The following ALCAM variants were observed in gnomAD, a reference collection of about 807,000 sequenced individuals.
ALCAM encodes activated leukocyte cell adhesion molecule.
In ALCAM, 30 loss-of-function variants were observed where a neutral mutation model predicts 70.9. The observed-to-expected ratio is 0.42, with a 90% CI of 0.32 to 0.57. The LOEUF (loss-of-function observed/expected upper bound fraction) is 0.57, where lower values mean the gene tolerates loss of function less well. ALCAM is among the 20% of genes least tolerant of loss of function. The pLI is 0.11. For missense variants in ALCAM, 591 were observed against 695.1 expected, an observed-to-expected ratio of 0.85 and a Z score of 1.68; for synonymous variants, 249 against 242.5, an observed-to-expected ratio of 1.03 and a Z score of -0.25.
At chr3:105,410,128 C>T (rs1054710034) in intron 1 of ALCAM, among the ~76,000 whole-genome samples, 2 of 151,898 alleles carry the variant, frequency 1.3e-5, no homozygotes, top group Non-Finnish European at 2.9e-5. Flanking sequence ...TGAATTTGGC[C>T]CTTGTATCTT....
chr3:105,525,481 T>C (rs1158834680), intron 3 of ALCAM: 78 of 453,286 alleles, frequency 1.7e-4, no homozygotes, highest in Non-Finnish European at 2.2e-4. Context: ...CTTTCAGTCT[T>C]TTTTAATTAG....
chr3:105,444,917 T>C (rs994998864), intron 1 of ALCAM, among the ~76,000 whole-genome samples: 1 of 152,116 alleles, frequency 6.6e-6, no homozygotes, highest in African/African-American at 2.4e-5. Flanking sequence ...TAGAAACAAA[T>C]TTGCCTGTAT....
In ALCAM at chr3:105,367,404, G is replaced by A. The variant is rs750691802; in HGVS notation, c.-5G>A. On this transcript the variant is annotated 5_prime_UTR_variant, in exon 1 of 16. Transcript: ENST00000306107. ...GTCAGTGGCCCACCAAGAAGGAGGA[G>A]GAATATGGAATCCAAGGGGGCCAGT... 25 of 1,613,884 alleles carry A rather than the reference G, an allele frequency of 1.5e-5. No individual in the cohort carries two copies. The highest frequency in any genetic ancestry group is 2.1e-5 in the Non-Finnish European group (25 of 1,179,836).
intron 1 of ALCAM, among the ~76,000 whole-genome samples, chr3:105,387,435 A>AC (rs1187985369): frequency 6.6e-6 from 1 of 151,614 alleles, no homozygotes; most frequent in African/African-American, 2.4e-5. Context: ...TAAAAAAAAA[A>AC]ACATTGATTC....
intron 1 of ALCAM, among the ~76,000 whole-genome samples, chr3:105,438,021 A>G (rs2152581122): frequency 1.3e-5 from 2 of 152,228 alleles, no homozygotes; most frequent in Admixed American, 1.3e-4. Flanking sequence ...ATGATGTAAA[A>G]TAAACTTGAA....
chr3:105,549,928 A>G (rs1278898372), intron 11 of ALCAM, among the ~76,000 whole-genome samples, 199 bp from the exon 12 acceptor site: 1 of 151,418 alleles, frequency 6.6e-6, no homozygotes, highest in Non-Finnish European at 1.5e-5. Context: ...AAGAAACATA[A>G]ACAGAAATTT....
chr3:105,572,899 T>A (rs953652442), intron 15 of ALCAM, among the ~76,000 whole-genome samples: 14 of 152,272 alleles, frequency 9.2e-5, no homozygotes, highest in African/African-American at 3.4e-4. Flanking sequence ...TATCATTTTA[T>A]ATTTTAATGC....
intron 14 of ALCAM, among the ~76,000 whole-genome samples, chr3:105,561,867 A>G (rs1265065416): frequency 6.6e-6 from 1 of 152,242 alleles, no homozygotes; most frequent in Admixed American, 6.5e-5. Flanking sequence ...CCTCAGGAAT[A>G]CATTATTCTA....
At chr3:105,526,846 G>T (rs1179649666) in intron 3 of ALCAM, among the ~76,000 whole-genome samples, 1 of 152,126 alleles carries the variant, frequency 6.6e-6, no homozygotes, top group Non-Finnish European at 1.5e-5. Context: ...CCATCAATCA[G>T]TCCTCTGTTT....
intron 1 of ALCAM, among the ~76,000 whole-genome samples, chr3:105,508,707 CAT>C (rs1939148356): frequency 6.6e-6 from 1 of 152,144 alleles, no homozygotes; most frequent in African/African-American, 2.4e-5. Flanking sequence ...ACTCTCCTCA[CAT>C]AGTTATCATT....
intron 6 of ALCAM, 78 bp downstream of exon 6, chr3:105,534,923 A>G (rs1939933064): frequency 1.5e-6 from 2 of 1,343,270 alleles, no homozygotes; most frequent in Admixed American, 4.9e-5. Flanking sequence ...TTGAGGTCCC[A>G]ATCCAATTAC....
intron 1 of ALCAM, among the ~76,000 whole-genome samples, chr3:105,443,890 G>A (rs1439312400): frequency 6.7e-6 from 1 of 149,762 alleles, no homozygotes; most frequent in African/African-American, 2.5e-5. Flanking sequence ...TTAGAGGACT[G>A]CTGTCACAAT....
rs951560791 is a variant in ALCAM, at chr3:105,567,432, C to CT, written c.1665-4409dup. On this transcript the variant is annotated intron_variant, in intron 14 of 15. Transcript: ENST00000306107. Reference sequence around the variant, plus strand: ...TCACAGGCCACTGAAGATCTGCTCACTTTTTTTTTTTCCACTGCCCTGGAC... The same window carrying CT: ...TCACAGGCCACTGAAGATCTGCTCACTTTTTTTTTTTTCCACTGCCCTGGAC... 3.0e-3 allele frequency among the ~76,000 whole-genome samples: 448 copies of CT among 147,762 alleles called. 2 individuals carry two copies. The highest frequency in any genetic ancestry group is 9.0e-3 in the African/African-American group (366 of 40,514).
chr3:105,480,469 T>C lies in ALCAM; in HGVS notation c.74-39598T>C, dbSNP rs78457764. 4.1e-3 allele frequency among the ~76,000 whole-genome samples: 630 copies of C among 152,230 alleles called. 2 individuals carry two copies. Among genetic ancestry groups the C allele is most frequent in the African/African-American group, 0.015 (611 of 41,564 alleles). On this transcript the variant is annotated intron_variant, in intron 1 of 15. Coordinates refer to ENST00000306107, the MANE Select transcript of ALCAM (RefSeq NM_001627.4). ...CAGGTGTGTATGTTTCTGAGTGTGG[T>C]GTGTTAATATTGTGAAGTCTGAAAT...
intron 1 of ALCAM, among the ~76,000 whole-genome samples, chr3:105,484,801 A>C (rs565699270): frequency 6.6e-6 from 1 of 152,114 alleles, no homozygotes; most frequent in Non-Finnish European, 1.5e-5. Context: ...AACAGCTGTC[A>C]TGGACATGTG....
At chr3:105,373,568 A>T (rs1276833848) in intron 1 of ALCAM, among the ~76,000 whole-genome samples, 1 of 152,210 alleles carries the variant, frequency 6.6e-6, no homozygotes, top group Non-Finnish European at 1.5e-5. Flanking sequence ...TTGGTGCAAA[A>T]TCAACATTGG....
At chr3:105,386,299 A>T (rs1935652951) in intron 1 of ALCAM, among the ~76,000 whole-genome samples, 1 of 151,626 alleles carries the variant, frequency 6.6e-6, no homozygotes, top group African/African-American at 2.4e-5. Flanking sequence ...CTTTTGTTAG[A>T]ACAGGTGCTT....
intron 1 of ALCAM, among the ~76,000 whole-genome samples, chr3:105,428,100 G>T (rs1936836942): frequency 6.6e-6 from 1 of 151,864 alleles, no homozygotes; most frequent in African/African-American, 2.4e-5. Context: ...GCAAAGGCTG[G>T]GAGTTGCTAT....
chr3:105,467,005 G>T (rs1213951194), intron 1 of ALCAM, among the ~76,000 whole-genome samples: 2 of 151,298 alleles, frequency 1.3e-5, no homozygotes, highest in African/African-American at 4.8e-5. Flanking sequence ...AAGGGACTTT[G>T]CAACTGTGTA....
Sources: allele counts gnomAD v4.1 joint callset (sites outside exome capture counted in the v4.1 genomes callset), GRCh38; gene constraint gnomAD v4.1.1; transcripts MANE v1.5; gene names NCBI Gene and HGNC (gene_info 2026-07-23, HGNC 2026-07-21).